CD101: variants seen among roughly 807,000 people sequenced by gnomAD.
The protein encoded by CD101 is immunoglobulin superfamily member 2.
CD101 carries 76 observed loss-of-function variants against 98.2 expected under a neutral mutation model. That is an observed-to-expected ratio of 0.77 (90% confidence interval 0.64 to 0.94). The LOEUF (loss-of-function observed/expected upper bound fraction) is 0.94. CD101 is among the 40% of genes least tolerant of loss of function. The pLI, the probability that CD101 is intolerant of heterozygous loss-of-function variation, is 0.00. For synonymous variants in CD101, 471 were observed against 472.7 expected (o/e 1.00, Z 0.05); for missense variants, 1,145 against 1,218.8 (o/e 0.94, Z 0.90).
intron 1 of CD101, among the ~76,000 whole-genome samples, chr1:117,008,407 G>A (rs1319331318): frequency 1.3e-5 from 2 of 152,084 alleles, no homozygotes; most frequent in Non-Finnish European, 2.9e-5. Context: ...AGAGGTTGCA[G>A]TGAGCCAAGA....
Position 117,010,160 on chromosome 1 carries a change from G to A in CD101, c.354G>A (p.Glu118=). The A allele has an allele frequency of 6.2e-7, 1 of 1,614,214 alleles. No homozygotes were observed. Among genetic ancestry groups the A allele is most frequent in the East Asian group, 2.2e-5 (1 of 44,888 alleles). The change falls in exon 2 of 10, where the codon GAG becomes GAA. Residue 118 remains glutamate (E), a synonymous_variant. Transcript: ENST00000682167. The surrounding 1 kb of genome is among the most constrained non-coding windows in gnomAD (Gnocchi z 5.2). Reference sequence around the variant, plus strand: ...AACTCCAGATGAAGGATGCTGGCGAGTATGAGTGTCACACACCAAACACTG... The same window carrying A: ...AACTCCAGATGAAGGATGCTGGCGAATATGAGTGTCACACACCAAACACTG... ...ISKLQMKDAG[E]YECHTPNTDE... is the part of the protein sequence containing the mutation.
At chr1:117,013,059 G>A (rs1378971369) in intron 3 of CD101, among the ~76,000 whole-genome samples, 1 of 151,868 alleles carries the variant, frequency 6.6e-6, no homozygotes, top group African/African-American at 2.4e-5. Flanking sequence ...GCAATTTAGT[G>A]TAAAATATTT....
At chr1:117,007,434 G>A (rs6700753) in intron 1 of CD101, among the ~76,000 whole-genome samples, 40,491 of 151,484 alleles carry the variant, frequency 0.27, 6,657 homozygotes, top group East Asian at 0.6. Context: ...TGCAACCTCT[G>A]CCTCCTGAGT....
rs929715370 is a variant in CD101 at position 117,017,422 on chromosome 1, G to A, written c.1561G>A (p.Ala521Thr). ...AGTATCTGAGAAGTCTCGGAACCAGGCCAGAGATCTGAGCTGGACTCAGAA... is the reference window on the plus strand; with the variant it reads ...AGTATCTGAGAAGTCTCGGAACCAGACCAGAGATCTGAGCTGGACTCAGAA... Reference protein sequence around the residue: ...CRVSEKSRNQARDLSWTQKIS... With the variant: ...CRVSEKSRNQTRDLSWTQKIS... The change falls in exon 5 of 10, where the codon GCC becomes ACC. Residue 521 changes from alanine to threonine, a missense_variant. Coordinates refer to ENST00000682167, the MANE Select transcript of CD101 (RefSeq NM_001256106.3). The A allele has an allele frequency of 2.5e-6, 4 of 1,614,146 alleles. No individual in the cohort carries two copies. Among genetic ancestry groups the A allele is most frequent in the Non-Finnish European group, 3.4e-6 (4 of 1,179,972 alleles).
At position 117,009,813 on chromosome 1, in the gene CD101, T is replaced by A. The variant is rs373253475; in HGVS notation, c.44-37T>A. On this transcript the variant is annotated intron_variant, in intron 1 of 9. Transcript: ENST00000682167. ...GGTACACTGGGAACTGGAACACTAA[T>A]CTCTTTTTATTCCCCTTTCTTTCTC... The A allele has an allele frequency of 7.3e-5, 114 of 1,553,820 alleles. No homozygotes were observed. In the African/African-American group the frequency reaches 1.4e-3, roughly 20 times the overall value.
In CD101 at chr1:117,018,674, T is replaced by A; in HGVS notation, c.2017+114T>A. 9.8e-7 allele frequency: 1 copy of A among 1,023,556 alleles called. No individual in the cohort carries two copies. Among genetic ancestry groups the A allele is most frequent in the Non-Finnish European group, 1.4e-6 (1 of 719,938 alleles). 63.4% of individuals were successfully genotyped at this position (1,023,556 alleles called of 1,614,324 possible). A position where few individuals can be genotyped will look rare whatever the true frequency, so the allele number is the denominator to read the frequency against. The stretch of plus-strand genomic sequence containing the variant: ...AATACTTTCTCCCATATTTGTTCTA[T>A]CTAAGTAAGCACCACATGATGAATG... On this transcript the variant is annotated intron_variant, in intron 6 of 9. Transcript: ENST00000682167. This position sits in a 1 kb window ranked among gnomAD's most constrained non-coding sequence, Gnocchi z 4.3.
In CD101 at chr1:117,010,433, T is replaced by C. The variant is rs936838189; in HGVS notation, c.424+203T>C. Among the ~76,000 whole-genome samples the C allele has an allele frequency of 2.6e-5, 4 of 152,230 alleles. No individual in the cohort carries two copies. The highest frequency in any genetic ancestry group is 9.6e-5 in the African/African-American group (4 of 41,454). On this transcript the variant is annotated intron_variant, in intron 2 of 9. Coordinates refer to ENST00000682167, the MANE Select transcript of CD101 (RefSeq NM_001256106.3). The surrounding 1 kb of genome is among the most constrained non-coding windows in gnomAD (Gnocchi z 5.2). Reference sequence around the variant, plus strand: ...ATTATCTGTTTCTTTTTCTCAATTATCTTTGCCATAAATATTTAGATGGTG... The same window carrying C: ...ATTATCTGTTTCTTTTTCTCAATTACCTTTGCCATAAATATTTAGATGGTG...
intron 8 of CD101, chr1:117,026,535 T>G (rs1394562730): frequency 6.6e-6 from 1 of 152,282 alleles, no homozygotes; most frequent in East Asian, 1.9e-4. Flanking sequence ...TCAGCCTTTT[T>G]CTTCTTTCCA....
chr1:117,021,658 C>T lies in CD101; in HGVS notation c.2103C>T (p.Ser701=), dbSNP rs760765748. 1 of 1,613,824 alleles carries T rather than the reference C, an allele frequency of 6.2e-7. No homozygotes were observed. Among genetic ancestry groups the T allele is most frequent in the Non-Finnish European group, 8.5e-7 (1 of 1,179,936 alleles). The change falls in exon 7 of 10, where the codon TCC becomes TCT. Residue 701 remains serine, a synonymous_variant. Transcript: ENST00000682167. This position sits in a 1 kb window ranked among gnomAD's most constrained non-coding sequence, Gnocchi z 4.7. ...SNTDIECSIL[S]RSNGNLQLAI... ...CTGATATAGAATGTAGCATCTTGTC[C>T]CGGTCCAATGGAAACCTTCAGTTAG...
chr1:117,034,693 A>G (rs1654697143), intron 9 of CD101, among the ~76,000 whole-genome samples: 1 of 152,230 alleles, frequency 6.6e-6, no homozygotes, highest in Admixed American at 6.5e-5. Flanking sequence ...GTGCTTAACT[A>G]ATACAGGTTC....
chr1:117,014,169 A>T (rs374931817), intron 4 of CD101, among the ~76,000 whole-genome samples: 15 of 146,712 alleles, frequency 1.0e-4, no homozygotes, highest in Admixed American at 9.8e-4. Flanking sequence ...ATGTGTATTA[A>T]TGAAGCCCTC....
At chr1:117,009,618 T>G (rs1260491162) in intron 1 of CD101, among the ~76,000 whole-genome samples, 2 of 152,262 alleles carry the variant, frequency 1.3e-5, no homozygotes, top group Non-Finnish European at 2.9e-5. Context: ...CTAAATTTTT[T>G]TAAGAGACTG....
chr1:117,009,789 G>T, intron 1 of CD101, 61 bp from the exon 2 acceptor site: 2 of 1,507,880 alleles, frequency 1.3e-6, no homozygotes, highest in Admixed American at 2.0e-5. Context: ...ACATAACGTG[G>T]TACACTGGGA....
At position 117,018,242 on chromosome 1, in the gene CD101, G is replaced by T. The variant is rs773749095; in HGVS notation, c.1699G>T (p.Gly567Cys). 6.2e-7 allele frequency: 1 copy of T among 1,614,144 alleles called. No individual in the cohort carries two copies. The highest frequency in any genetic ancestry group is 8.5e-7 in the Non-Finnish European group (1 of 1,180,030). Residue 567 changes from glycine (G) to cysteine (C), a missense_variant, in exon 6 of 10, where the codon GGT becomes TGT. Coordinates refer to ENST00000682167, the MANE Select transcript of CD101 (RefSeq NM_001256106.3). This position sits in a 1 kb window ranked among gnomAD's most constrained non-coding sequence, Gnocchi z 4.3. The part of the protein sequence containing the change: ...TFDLSCVVRA[G>C]YSDLKVPLTV... Reference sequence around the variant, plus strand: ...TGACCTGTCCTGTGTCGTGAGGGCCGGTTACTCTGACCTCAAGGTGCCACT... The same window carrying T: ...TGACCTGTCCTGTGTCGTGAGGGCCTGTTACTCTGACCTCAAGGTGCCACT...
At chr1:117,024,521 ATAAATGTGTT>A (rs1653785623) in intron 7 of CD101, among the ~76,000 whole-genome samples, 2 of 152,012 alleles carry the variant, frequency 1.3e-5, no homozygotes, top group Admixed American at 1.3e-4. Context: ...AAATAAATAA[ATAAATGTGTT>A]TGTAGTGGAA....
chr1:117,020,019 TC>T (rs1218964066), intron 6 of CD101, among the ~76,000 whole-genome samples: 2 of 152,096 alleles, frequency 1.3e-5, no homozygotes, highest in Non-Finnish European at 2.9e-5. Context: ...TCCTCAATTG[TC>T]CATGTTCCCT....
Position 117,019,741 on chromosome 1 carries a change from A to T in CD101, c.2017+1181A>T, listed in dbSNP as rs1653454153. On this transcript the variant is annotated intron_variant, in intron 6 of 9. Coordinates refer to ENST00000682167, the MANE Select transcript of CD101 (RefSeq NM_001256106.3). This position sits in a 1 kb window ranked among gnomAD's most constrained non-coding sequence, Gnocchi z 4.3. ...TCGTATATCCAGCTGTCTCCAAGAC[A>T]TGCCTGCACTCATTATGTCAAAACA... 6.6e-6 allele frequency among the ~76,000 whole-genome samples: 1 copy of T among 152,156 alleles called. No homozygotes were observed. Among genetic ancestry groups the T allele is most frequent in the African/African-American group, 2.4e-5 (1 of 41,428 alleles).
chr1:117,006,687 A>G lies in CD101; in HGVS notation c.44-3163A>G, dbSNP rs116196160. ...AAATCCATTTCTAATGCCATCTCTT[A>G]TGCCATCTCCATAAACCTATTTCCC... On this transcript the variant is annotated intron_variant, in intron 1 of 9. Transcript: ENST00000682167. This position sits in a 1 kb window ranked among gnomAD's most constrained non-coding sequence, Gnocchi z 4.4. Among the ~76,000 whole-genome samples the G allele has an allele frequency of 1.4e-3, 209 of 152,032 alleles. 1 individual carries two copies. The highest frequency in any genetic ancestry group is 4.6e-3 in the African/African-American group (189 of 41,490).
rs1265281375 is a variant in CD101, at chr1:117,023,958, C to A, written c.2429-1551C>A. Among the ~76,000 whole-genome samples, 2 of 152,126 alleles carry A rather than the reference C, an allele frequency of 1.3e-5. No individual in the cohort carries two copies. Among genetic ancestry groups the A allele is most frequent in the African/African-American group, 4.8e-5 (2 of 41,414 alleles). On this transcript the variant is annotated intron_variant, in intron 7 of 9. Transcript: ENST00000682167. The surrounding 1 kb of genome is among the most constrained non-coding windows in gnomAD (Gnocchi z 4.4). ...AAACCACATAGAGGACAGAAAAGGA[C>A]TAGAGGGTCCCTTGAACTGGGAAAT... is the stretch of plus-strand genomic sequence containing the variant.
Sources: allele counts gnomAD v4.1 joint callset (sites outside exome capture counted in the v4.1 genomes callset), GRCh38; gene constraint gnomAD v4.1.1; non-coding constraint Gnocchi (gnomAD v3.1); transcripts MANE v1.5; gene names NCBI Gene and HGNC (gene_info 2026-07-23, HGNC 2026-07-21).